CWC27: variants seen among roughly 807,000 people sequenced by gnomAD.
CWC27 encodes the protein spliceosome-associated protein CWC27 homolog.
In CWC27, 47 loss-of-function variants were observed where a neutral mutation model predicts 63.6. The ratio of observed to expected loss-of-function variants is 0.74; its 90% confidence interval spans 0.58 to 0.94. The LOEUF is 0.94. CWC27 is among the 40% of genes least tolerant of loss of function. The pLI is 0.00. For synonymous variants in CWC27, 175 were observed against 179.8 expected, an observed-to-expected ratio of 0.97 and a Z score of 0.22; for missense variants, 495 against 554.3, an observed-to-expected ratio of 0.89 and a Z score of 1.07.
rs1344870215 is a variant in CWC27 at position 64,774,796 on chromosome 5, A to G, written c.139+9A>G. On this transcript the variant is annotated intron_variant, in intron 2 of 13. Coordinates refer to ENST00000381070, the MANE Select transcript of CWC27 (RefSeq NM_005869.4). ...CCAACTTTGTTTGGAAGGTATGTTG[A>G]CTTTTATTCTACTGGAGAAATTCTT... 2.9e-6 allele frequency: 2 copies of G among 684,614 alleles called. No homozygotes were observed. Among genetic ancestry groups the G allele is most frequent in the Admixed American group, 6.9e-5 (2 of 29,112 alleles). The allele number at this position is 684,614 out of a possible 1,614,324, so 42.4% of individuals were successfully genotyped here. A position where few individuals can be genotyped will look rare whatever the true frequency, so the allele number is the denominator to read the frequency against.
At chr5:64,919,307 T>C (rs1353013584) in intron 11 of CWC27, among the ~76,000 whole-genome samples, 1 of 152,212 alleles carries the variant, frequency 6.6e-6, no homozygotes, top group African/African-American at 2.4e-5. Flanking sequence ...GTATTAGACA[T>C]AGTGTTTACT....
intron 10 of CWC27, chr5:64,807,953 T>C: frequency 7.0e-7 from 1 of 1,424,448 alleles, no homozygotes; most frequent in South Asian, 1.5e-5. Context: ...ACCACTCCAC[T>C]GAAACTACTT....
chr5:64,812,071 T>A (rs1744892990), intron 10 of CWC27, among the ~76,000 whole-genome samples: 2 of 152,096 alleles, frequency 1.3e-5, no homozygotes, highest in African/African-American at 2.4e-5. Context: ...GTACTTTGTG[T>A]CTGGATTCTC....
At chr5:65,017,863 C>T (rs1307786436) in intron 13 of CWC27, among the ~76,000 whole-genome samples, 1 of 152,220 alleles carries the variant, frequency 6.6e-6, no homozygotes, top group African/African-American at 2.4e-5. Context: ...CTTTGAGGAA[C>T]ACTTCTGTAT....
At chr5:64,786,250 G>C (rs1743881403) in intron 5 of CWC27, among the ~76,000 whole-genome samples, 2 of 149,946 alleles carry the variant, frequency 1.3e-5, no homozygotes. Context: ...AGTTGATCTT[G>C]TTTACTGTGT....
chr5:64,782,129 A>G, intron 3 of CWC27, 96 bp downstream of exon 3: 1 of 631,472 alleles, frequency 1.6e-6, no homozygotes, highest in South Asian at 3.1e-5. Flanking sequence ...GTGTTCCACA[A>G]GAGGAAAAAA....
At chr5:64,811,550 T>C (rs1744879339) in intron 10 of CWC27, among the ~76,000 whole-genome samples, 1 of 152,024 alleles carries the variant, frequency 6.6e-6, no homozygotes, top group Admixed American at 6.6e-5. Flanking sequence ...CATTAAAAAT[T>C]TCATGATAAT....
chr5:64,847,004 A>AG (rs1012963082), intron 10 of CWC27, among the ~76,000 whole-genome samples: 17 of 151,726 alleles, frequency 1.1e-4, no homozygotes, highest in Admixed American at 4.6e-4. Flanking sequence ...AAAAAAAAAA[A>AG]AAAAAAAGAA....
intron 11 of CWC27, among the ~76,000 whole-genome samples, chr5:64,937,901 G>A (rs894623504): frequency 6.9e-4 from 103 of 148,382 alleles, no homozygotes; most frequent in Middle Eastern, 3.4e-3. Flanking sequence ...TTTTATCAGA[G>A]ACTGGGATTG....
intron 11 of CWC27, among the ~76,000 whole-genome samples, chr5:64,932,918 G>A (rs1452145058): frequency 6.6e-6 from 1 of 152,182 alleles, no homozygotes; most frequent in Non-Finnish European, 1.5e-5. Flanking sequence ...TGCTACTTAA[G>A]TGATCTTCTT....
At chr5:64,808,810 T>C (rs962488689) in intron 10 of CWC27, among the ~76,000 whole-genome samples, 7 of 152,212 alleles carry the variant, frequency 4.6e-5, no homozygotes, top group Non-Finnish European at 1.0e-4. Flanking sequence ...TAACCGCACA[T>C]TAGGCTCACG....
intron 13 of CWC27, among the ~76,000 whole-genome samples, chr5:65,006,399 C>T (rs1749841073): frequency 6.6e-6 from 1 of 152,094 alleles, no homozygotes; most frequent in African/African-American, 2.4e-5. Flanking sequence ...CACAAAAAGT[C>T]ATAGTTGCTC....
chr5:64,909,955 C>T (rs1747748925), intron 11 of CWC27, among the ~76,000 whole-genome samples: 1 of 152,182 alleles, frequency 6.6e-6, no homozygotes. Context: ...ATTCTCCATC[C>T]AGCTTTGTTC....
intron 13 of CWC27, among the ~76,000 whole-genome samples, chr5:64,984,231 G>A (rs1749380896): frequency 6.6e-6 from 1 of 152,120 alleles, no homozygotes; most frequent in South Asian, 2.1e-4. Flanking sequence ...GACTCTATGG[G>A]GTAGGTATTA....
intron 10 of CWC27, among the ~76,000 whole-genome samples, chr5:64,820,624 CA>C (rs1745172011): frequency 6.6e-6 from 1 of 152,036 alleles, no homozygotes; most frequent in African/African-American, 2.4e-5. Flanking sequence ...AGCAGACCTA[CA>C]CAAATATAGT....
intron 10 of CWC27, among the ~76,000 whole-genome samples, chr5:64,882,101 G>T (rs1746952547): frequency 6.6e-6 from 1 of 152,120 alleles, no homozygotes; most frequent in Admixed American, 6.5e-5. Context: ...GGAAATAATT[G>T]TACTTACCTG....
chr5:64,947,791 G>A (rs971716884), intron 11 of CWC27, among the ~76,000 whole-genome samples: 3 of 151,988 alleles, frequency 2.0e-5, no homozygotes, highest in African/African-American at 7.2e-5. Context: ...GGGGAGCAGG[G>A]AATATAAGAA....
At chr5:64,824,813 A>T (rs1325515503) in intron 10 of CWC27, among the ~76,000 whole-genome samples, 4 of 145,140 alleles carry the variant, frequency 2.8e-5, no homozygotes, top group African/African-American at 1.0e-4. Flanking sequence ...GCTCACTGCA[A>T]CCTCCGCCTC....
At chr5:64,818,465 G>T (rs1745106547) in intron 10 of CWC27, among the ~76,000 whole-genome samples, 1 of 152,032 alleles carries the variant, frequency 6.6e-6, no homozygotes, top group Non-Finnish European at 1.5e-5. Context: ...TCACAATATT[G>T]ACAGTAACTT....
Sources: allele counts gnomAD v4.1 joint callset (sites outside exome capture counted in the v4.1 genomes callset), GRCh38; gene constraint gnomAD v4.1.1; transcripts MANE v1.5; gene names NCBI Gene and HGNC (gene_info 2026-07-23, HGNC 2026-07-21).